FAM107B: variants seen among roughly 807,000 people sequenced by gnomAD.
FAM107B encodes the protein family with sequence similarity 107 member B, also known as protein FAM107B.
Under a neutral mutation model 31.5 loss-of-function variants are expected in FAM107B, and 21 were observed. The ratio of observed to expected loss-of-function variants is 0.67; its 90% CI spans 0.47 to 0.96. The LOEUF (loss-of-function observed/expected upper bound fraction) is 0.96. Among genes scored for constraint, FAM107B ranks in the 40% least tolerant of loss-of-function variants. The pLI is 0.00. For synonymous variants in FAM107B, 157 were observed against 141.5 expected (o/e 1.11, Z -0.78); for missense variants, 452 against 377.1 (o/e 1.20, Z -1.64).
chr10:14,767,020 GTA>G (rs1554757965), intron 1 of FAM107B, among the ~76,000 whole-genome samples: 2,287 of 30,318 alleles, frequency 0.075, 196 homozygotes, highest in African/African-American at 0.19. Flanking sequence ...TCCCTGATGT[GTA>G]TGTATATATA....
At chr10:14,575,909 C>G (rs975475065) in intron 2 of FAM107B, among the ~76,000 whole-genome samples, 3 of 152,180 alleles carry the variant, frequency 2.0e-5, no homozygotes, top group African/African-American at 7.2e-5. Context: ...CATTTTTCAG[C>G]CTTAAAAAGG....
intron 2 of FAM107B, among the ~76,000 whole-genome samples, chr10:14,594,178 G>A (rs769110371): frequency 2.6e-5 from 4 of 151,992 alleles, no homozygotes; most frequent in African/African-American, 9.7e-5. Flanking sequence ...ATCTCCATAC[G>A]GTAATGCCAA....
intron 2 of FAM107B, among the ~76,000 whole-genome samples, chr10:14,587,044 A>C (rs1015896197): frequency 1.4e-4 from 21 of 152,258 alleles, no homozygotes; most frequent in African/African-American, 3.4e-4. Context: ...TCACATCACA[A>C]CACCACCTTG....
chr10:14,604,173 G>C lies in FAM107B; in HGVS notation c.469+63461C>G, dbSNP rs1852507039. On this transcript the variant is annotated intron_variant, in intron 2 of 4. Transcript: ENST00000181796. ...GGGTCCCCGGAGCCGGGGTCGGGCA[G>C]GGCCGCCGCCCGCCTCCCCGCGCCC... The C allele has an allele frequency of 3.1e-6, 3 of 959,442 alleles. No homozygotes were observed. The African/African-American group carries it at 5.3e-5, about 17-fold the overall frequency. 59.4% of individuals were successfully genotyped at this position (959,442 alleles called of 1,614,324 possible). A position where few individuals can be genotyped will look rare whatever the true frequency, so the allele number is the denominator to read the frequency against.
chr10:14,587,654 C>G (rs1414414963), intron 2 of FAM107B, among the ~76,000 whole-genome samples: 3 of 152,188 alleles, frequency 2.0e-5, no homozygotes, highest in Non-Finnish European at 2.9e-5. Context: ...CACCACAACC[C>G]TAGCAACTAG....
intron 2 of FAM107B, among the ~76,000 whole-genome samples, chr10:14,565,369 C>T (rs1211699372): frequency 1.3e-5 from 2 of 152,104 alleles, no homozygotes; most frequent in South Asian, 2.1e-4. Context: ...GAACCCTCGG[C>T]AGACATAGGC....
At position 14,558,234 on chromosome 10, in the gene FAM107B, C is replaced by T. The variant is rs566702365; in HGVS notation, c.470-27719G>A. On this transcript the variant is annotated intron_variant, in intron 2 of 4. Coordinates refer to ENST00000181796, the MANE Select transcript of FAM107B (RefSeq NM_031453.4). Reference sequence around the variant, plus strand: ...GCTCACATTCACACACATGTGCATGCGCACACTCACATACGTGCACGCGCA... The same window carrying T: ...GCTCACATTCACACACATGTGCATGTGCACACTCACATACGTGCACGCGCA... Among the ~76,000 whole-genome samples, 7 of 152,048 alleles carry T rather than the reference C, an allele frequency of 4.6e-5. No homozygotes were observed. In the South Asian group the frequency reaches 6.3e-4, roughly 14 times the overall value.
intron 2 of FAM107B, among the ~76,000 whole-genome samples, chr10:14,583,348 G>A (rs920830592): frequency 2.6e-5 from 4 of 152,066 alleles, no homozygotes; most frequent in Non-Finnish European, 5.9e-5. Flanking sequence ...GGGCAGAGTC[G>A]GAGATGAAGA....
chr10:14,574,336 C>T (rs998437129), intron 2 of FAM107B, among the ~76,000 whole-genome samples: 3 of 152,106 alleles, frequency 2.0e-5, no homozygotes, highest in Non-Finnish European at 2.9e-5. Flanking sequence ...AAACTGAACC[C>T]TAGTTTTGTT....
At chr10:14,584,642 G>C (rs947531003) in intron 2 of FAM107B, among the ~76,000 whole-genome samples, 2 of 152,156 alleles carry the variant, frequency 1.3e-5, no homozygotes, top group African/African-American at 4.8e-5. Flanking sequence ...TCCAAGATAC[G>C]GACCCTGTGA....
intron 1 of FAM107B, among the ~76,000 whole-genome samples, chr10:14,767,091 G>GAGAGAGAGAGAC (rs1833195311): frequency 9.0e-6 from 1 of 110,610 alleles, no homozygotes; most frequent in East Asian, 2.6e-4. Context: ...GAGAGAGAGA[G>GAGAGAGAGAGAC]AGAGAGAGAC....
intron 2 of FAM107B, among the ~76,000 whole-genome samples, chr10:14,559,472 A>C (rs1317639787): frequency 3.3e-5 from 5 of 152,060 alleles, no homozygotes; most frequent in Non-Finnish European, 7.4e-5. Flanking sequence ...CTCTTACAAA[A>C]AAAAAAAAAA....
At chr10:14,665,637 G>A (rs1399333852) in intron 2 of FAM107B, among the ~76,000 whole-genome samples, 1 of 152,196 alleles carries the variant, frequency 6.6e-6, no homozygotes, top group Non-Finnish European at 1.5e-5. Context: ...ATGTGCAAAA[G>A]TGGTACTCAG....
chr10:14,771,088 T>C (rs1268627562), intron 1 of FAM107B, among the ~76,000 whole-genome samples: 1 of 151,608 alleles, frequency 6.6e-6, no homozygotes, highest in Non-Finnish European at 1.5e-5. Context: ...CCAGGCAAGA[T>C]TGTAATAAAA....
rs146890488 is a variant in FAM107B at position 14,651,824 on chromosome 10, A to T, written c.469+15810T>A. Among the ~76,000 whole-genome samples the T allele has an allele frequency of 4.5e-4, 69 of 152,290 alleles. No homozygotes were observed. The East Asian group carries it at 0.012, about 27-fold the overall frequency. On this transcript the variant is annotated intron_variant, in intron 2 of 4. Coordinates refer to ENST00000181796, the MANE Select transcript of FAM107B (RefSeq NM_031453.4). The stretch of plus-strand genomic sequence containing the variant: ...GGTAAAGCCTGGACACAGAAAGACA[A>T]GTTAGGAGATGATGAAAATGGTTTG...
chr10:14,585,420 C>CT, intron 2 of FAM107B, among the ~76,000 whole-genome samples: 1 of 152,150 alleles, frequency 6.6e-6, no homozygotes, highest in East Asian at 1.9e-4. Context: ...TCCCTCCTCT[C>CT]TTCCTCTTCC....
chr10:14,712,626 A>AAAAAAAAAAAAAAAAAAG (rs1554851690), intron 1 of FAM107B, among the ~76,000 whole-genome samples: 4 of 146,854 alleles, frequency 2.7e-5, no homozygotes, highest in Non-Finnish European at 4.5e-5. Context: ...AACAAAAAAA[A>AAAAAAAAAAAAAAAAAAG]AAGAAGAAGA....
intron 1 of FAM107B, among the ~76,000 whole-genome samples, chr10:14,714,337 C>A (rs534594477): frequency 1.3e-5 from 2 of 152,128 alleles, no homozygotes; most frequent in African/African-American, 4.8e-5. Flanking sequence ...AGCTCAGGGA[C>A]TTTACAAGTC....
chr10:14,522,666 G>A (rs762593759), intron 3 of FAM107B, among the ~76,000 whole-genome samples: 2 of 151,710 alleles, frequency 1.3e-5, no homozygotes, highest in African/African-American at 2.4e-5. Context: ...CACTCGCCTC[G>A]GCCTCCCAAA....
Sources: allele counts gnomAD v4.1 joint callset (sites outside exome capture counted in the v4.1 genomes callset), GRCh38; gene constraint gnomAD v4.1.1; transcripts MANE v1.5; gene names NCBI Gene and HGNC (gene_info 2026-07-23, HGNC 2026-07-21).